LHFPL1: variants seen among roughly 807,000 people sequenced by gnomAD.
LHFPL1 encodes the protein LHFPL tetraspan subfamily member 1, also known as LHFPL tetraspan subfamily member 1 protein.
In LHFPL1, 4 loss-of-function variants were observed where a neutral mutation model predicts 12.1. The observed-to-expected ratio is 0.33, with a 90% confidence interval of 0.16 to 0.76. LHFPL1 has a LOEUF of 0.76. Ranked by LOEUF, LHFPL1 falls within the 30% of genes least tolerant of loss-of-function variation. LHFPL1 has a pLI of 0.61. For missense variants in LHFPL1, 141 were observed against 174.1 expected, an observed-to-expected ratio of 0.81 and a Z score of 1.07; for synonymous variants, 52 against 61.9, an observed-to-expected ratio of 0.84 and a Z score of 0.75.
At chrX:112,642,862 A>G (rs1462628033) in intron 3 of LHFPL1, among the ~76,000 whole-genome samples, 1 of 111,105 alleles carries the variant, frequency 9.0e-6, no homozygotes, top group African/African-American at 3.3e-5. Flanking sequence ...GAGTCTCATT[A>G]CTTTAAGCAC....
chrX:112,669,021 G>A (rs1478922582), intron 2 of LHFPL1, among the ~76,000 whole-genome samples: 1 of 112,438 alleles, frequency 8.9e-6, no homozygotes, highest in African/African-American at 3.2e-5. Flanking sequence ...GGTGCTAACA[G>A]CCCTGCATGG....
At chrX:112,668,453 C>A (rs1348786952) in intron 2 of LHFPL1, among the ~76,000 whole-genome samples, 1 of 112,413 alleles carries the variant, frequency 8.9e-6, no homozygotes, top group East Asian at 2.8e-4. Context: ...AATATCAATC[C>A]CCTGCCCAGG....
In LHFPL1 at chrX:112,631,340, G is replaced by A. The variant is rs933191771; in HGVS notation, c.*80C>T. ...TAGGCTATGCTAATGACAGTCAGAT[G>A]ACAAATGGCCTAATCCTTAGTACCT... is the stretch of plus-strand genomic sequence containing the variant. On this transcript the variant is annotated 3_prime_UTR_variant, in exon 4 of 4. Coordinates refer to ENST00000371968, the MANE Select transcript of LHFPL1 (RefSeq NM_178175.4). 2.3e-6 allele frequency: 2 copies of A among 876,849 alleles called. No individual in the cohort carries two copies. Among genetic ancestry groups the A allele is most frequent in the South Asian group, 3.1e-5 (1 of 32,417 alleles). The allele number at this position is 876,849 out of a possible 1,213,427, so 72.3% of individuals were successfully genotyped here.
At chrX:112,633,735 T>C (rs1006853912) in intron 3 of LHFPL1, among the ~76,000 whole-genome samples, 5 of 111,940 alleles carry the variant, frequency 4.5e-5, no homozygotes, top group Admixed American at 2.9e-4. Context: ...CCCAAAATCA[T>C]GGTGAAAGCC....
chrX:112,679,679 C>CTCG (rs1931749936), intron 1 of LHFPL1, 150 bp downstream of exon 1: 2 of 111,585 alleles, frequency 1.8e-5, no homozygotes, highest in Non-Finnish European at 3.8e-5. Context: ...CCAGGCTGCC[C>CTCG]TCGGGTAGAA....
At chrX:112,677,793 A>C (rs1316917566) in intron 1 of LHFPL1, among the ~76,000 whole-genome samples, 1 of 111,377 alleles carries the variant, frequency 9.0e-6, no homozygotes, top group Non-Finnish European at 1.9e-5. Flanking sequence ...CTGTGCCTGA[A>C]ATCATCTCAT....
intron 3 of LHFPL1, among the ~76,000 whole-genome samples, chrX:112,653,938 A>C (rs1930923759): frequency 8.9e-6 from 1 of 112,565 alleles, no homozygotes; most frequent in Admixed American, 9.4e-5. Context: ...ATGCAGATTA[A>C]AAGAAGATAC....
intron 3 of LHFPL1, among the ~76,000 whole-genome samples, chrX:112,650,672 C>T (rs1205065681): frequency 9.0e-6 from 1 of 111,476 alleles, no homozygotes; most frequent in East Asian, 2.8e-4. Context: ...TACAGAGAAG[C>T]AACTAACAGC....
chrX:112,658,184 G>C (rs1223719528), intron 3 of LHFPL1, among the ~76,000 whole-genome samples: 1 of 110,760 alleles, frequency 9.0e-6, no homozygotes, highest in African/African-American at 3.3e-5. Flanking sequence ...CCAGTCCTTT[G>C]GAAGCCGAGG....
intron 2 of LHFPL1, among the ~76,000 whole-genome samples, chrX:112,667,475 C>G (rs370853586): frequency 5.3e-4 from 59 of 112,122 alleles, no homozygotes; most frequent in African/African-American, 1.9e-3. Flanking sequence ...ATTCCTTGGT[C>G]GAGAAAGATT....
intron 1 of LHFPL1, among the ~76,000 whole-genome samples, chrX:112,672,125 C>A (rs1305877749): frequency 8.9e-6 from 1 of 111,777 alleles, no homozygotes; most frequent in Non-Finnish European, 1.9e-5. Flanking sequence ...ACTTTTCCCA[C>A]AATCAAAATG....
intron 2 of LHFPL1, among the ~76,000 whole-genome samples, chrX:112,663,417 G>A (rs1364107050): frequency 1.8e-5 from 2 of 111,146 alleles, no homozygotes; most frequent in Non-Finnish European, 3.8e-5. Context: ...CTATATAACA[G>A]ACAGCTTCCT....
At chrX:112,638,855 C>T (rs889157980) in intron 3 of LHFPL1, among the ~76,000 whole-genome samples, 1 of 111,580 alleles carries the variant, frequency 9.0e-6, no homozygotes, top group East Asian at 2.8e-4. Flanking sequence ...CCCAAACTAC[C>T]GTTTGGTACA....
rs1230278704 is a variant in LHFPL1, at chrX:112,671,142, C to T, written c.249G>A (p.Met83Ile). 1 of 1,210,933 alleles carries T rather than the reference C, an allele frequency of 8.3e-7. No individual in the cohort carries two copies. Among genetic ancestry groups the T allele is most frequent in the Non-Finnish European group, 1.1e-6 (1 of 895,433 alleles). The part of the protein sequence containing the change: ...FNAIPSLAWQ[M>I]CTVVTGAGCA... ...AGCCGGCACCTGTCACCACTGTGCACATCTGCCAGGCCAGGCTTGGGATGG... is the reference window on the plus strand; with the variant it reads ...AGCCGGCACCTGTCACCACTGTGCATATCTGCCAGGCCAGGCTTGGGATGG... Residue 83 changes from methionine (M) to isoleucine (I), a missense_variant, in exon 2 of 4, where the codon ATG becomes ATA. Coordinates refer to ENST00000371968, the MANE Select transcript of LHFPL1 (RefSeq NM_178175.4).
intron 1 of LHFPL1, among the ~76,000 whole-genome samples, chrX:112,678,497 T>C (rs5929220): frequency 0.054 from 6,057 of 111,789 alleles, 168 homozygotes; most frequent in Non-Finnish European, 0.083. Flanking sequence ...AGCCCTGTTA[T>C]TGTTGCCCAT....
At chrX:112,670,121 T>C (rs757173958) in intron 2 of LHFPL1, among the ~76,000 whole-genome samples, 1 of 112,593 alleles carries the variant, frequency 8.9e-6, no homozygotes, top group South Asian at 3.7e-4. Context: ...ATAATGATAA[T>C]GAATTGGGTA....
intron 3 of LHFPL1, among the ~76,000 whole-genome samples, chrX:112,632,593 T>C (rs1930221482): frequency 8.9e-6 from 1 of 112,089 alleles, no homozygotes; most frequent in African/African-American, 3.2e-5. Context: ...TATCTCTCTC[T>C]ATCTAAATCT....
Position 112,671,420 on chromosome X carries a change from G to T in LHFPL1, c.-14-16C>A. On this transcript the variant is annotated splice_polypyrimidine_tract_variant and intron_variant, in intron 1 of 3. Coordinates refer to ENST00000371968, the MANE Select transcript of LHFPL1 (RefSeq NM_178175.4). The stretch of plus-strand genomic sequence containing the variant: ...ACAGGTTTCTCTGCAGGGATGGGGA[G>T]ATGAGTTGGATCACAGCACCAAATG... 3 of 1,211,086 alleles carry T rather than the reference G, an allele frequency of 2.5e-6. No individual in the cohort carries two copies. Among genetic ancestry groups the T allele is most frequent in the Non-Finnish European group, 3.4e-6 (3 of 895,365 alleles).
intron 3 of LHFPL1, among the ~76,000 whole-genome samples, chrX:112,632,827 A>C (rs1190359779): frequency 1.8e-5 from 2 of 111,531 alleles, no homozygotes; most frequent in African/African-American, 6.5e-5. Context: ...GGCCAGCCTA[A>C]TTTATCCCCA....
Sources: allele counts gnomAD v4.1 joint callset (sites outside exome capture counted in the v4.1 genomes callset), GRCh38; gene constraint gnomAD v4.1.1; transcripts MANE v1.5; gene names NCBI Gene and HGNC (gene_info 2026-07-23, HGNC 2026-07-21).